SNX18: variants seen among roughly 807,000 people sequenced by gnomAD.
SNX18 encodes the protein sorting nexin-18.
Under a neutral mutation model 48.7 loss-of-function variants are expected in SNX18, and 35 were observed. The observed-to-expected ratio is 0.72, with a 90% CI of 0.55 to 0.95. SNX18 has a LOEUF of 0.95. Ranked by LOEUF, SNX18 falls within the 40% of genes least tolerant of loss-of-function variation. The probability of loss-of-function intolerance (pLI) is 0.00; values close to 1 mark genes in which losing one functional copy is unlikely to be tolerated. For missense variants in SNX18, 824 were observed against 871.0 expected (o/e 0.95, Z 0.68); for synonymous variants, 492 against 384.7 (o/e 1.28, Z -3.26).
the SNX18 span, among the ~76,000 whole-genome samples, chr5:54,628,618 C>T: frequency 2.6e-5 from 4 of 152,202 alleles, 1 homozygote; most frequent in Non-Finnish European, 4.4e-5. Flanking sequence ...CCTCTCCAGG[C>T]AGCTGCCCCC....
chr5:54,618,886 C>A, the SNX18 span, among the ~76,000 whole-genome samples: 1 of 152,024 alleles, frequency 6.6e-6, no homozygotes, highest in Non-Finnish European at 1.5e-5. Context: ...AAGTTTTATA[C>A]CCCCTGTTCT....
rs771976401 is a variant in SNX18 at position 54,519,801 on chromosome 5, G to T, written c.1621+228G>T. The T allele has an allele frequency of 2.5e-5, 41 of 1,612,724 alleles. No homozygotes were observed. The highest frequency in any genetic ancestry group is 3.3e-5 in the Admixed American group (2 of 59,920). ...AGGGAATGAGTACTCTTTCTCGAAGGTTCAAAGAGTACCTTTGATGACAGT... is the reference window on the plus strand; with the variant it reads ...AGGGAATGAGTACTCTTTCTCGAAGTTTCAAAGAGTACCTTTGATGACAGT... On this transcript the variant is annotated intron_variant, in intron 1 of 1. Transcript: ENST00000381410.
the SNX18 span, among the ~76,000 whole-genome samples, chr5:54,618,461 A>C: frequency 2.0e-5 from 3 of 152,194 alleles, 1 homozygote; most frequent in Admixed American, 6.5e-5. Flanking sequence ...GGGTTCACTT[A>C]GACCTTGCCA....
chr5:54,610,675 A>C, the SNX18 span, among the ~76,000 whole-genome samples: 1 of 152,212 alleles, frequency 6.6e-6, no homozygotes, highest in South Asian at 2.1e-4. Flanking sequence ...ATAACCACGA[A>C]TGTTTATTAG....
the SNX18 span, among the ~76,000 whole-genome samples, chr5:54,590,341 C>T: frequency 6.6e-6 from 1 of 152,176 alleles, no homozygotes; most frequent in African/African-American, 2.4e-5. Context: ...GGGGGCATTT[C>T]TAGTAACTGA....
At chr5:54,622,542 C>A in the SNX18 span, among the ~76,000 whole-genome samples, 1 of 150,260 alleles carries the variant, frequency 6.7e-6, no homozygotes, top group Non-Finnish European at 1.5e-5. Flanking sequence ...ATGCTTTGAC[C>A]ACTGTAGGGC....
chr5:54,600,543 G>A, the SNX18 span, among the ~76,000 whole-genome samples: 2 of 152,196 alleles, frequency 1.3e-5, no homozygotes, highest in African/African-American at 4.8e-5. Flanking sequence ...GTTCATTGCA[G>A]CACTATTCAG....
rs1372092695 is a variant in SNX18 at position 54,543,450 on chromosome 5, A to G, written c.*18A>G. ...GTGTTTAATGACTGGACGTTGGATT[A>G]TGGACTTTTTCAGTTCAAGGATAAT... On this transcript the variant is annotated 3_prime_UTR_variant, in exon 2 of 2. Transcript: ENST00000381410. The G allele has an allele frequency of 6.2e-7, 1 of 1,608,282 alleles. No homozygotes were observed. The highest frequency in any genetic ancestry group is 1.3e-5 in the African/African-American group (1 of 74,780).
the SNX18 span, among the ~76,000 whole-genome samples, chr5:54,617,109 T>C: frequency 6.6e-6 from 1 of 152,204 alleles, no homozygotes. Flanking sequence ...AAAGGCCCCT[T>C]CAAAGAAAGT....
At chr5:54,595,455 T>C in the SNX18 span, among the ~76,000 whole-genome samples, 1 of 152,152 alleles carries the variant, frequency 6.6e-6, no homozygotes, top group Admixed American at 6.5e-5. Flanking sequence ...CAGGCTGGTC[T>C]CCAACTCCTG....
At chr5:54,601,989 G>A in the SNX18 span, among the ~76,000 whole-genome samples, 1 of 152,154 alleles carries the variant, frequency 6.6e-6, no homozygotes, top group African/African-American at 2.4e-5. Context: ...CTGTTGCACT[G>A]CTTGCCAACT....
the SNX18 span, among the ~76,000 whole-genome samples, chr5:54,628,916 T>C: frequency 6.6e-6 from 1 of 152,200 alleles, no homozygotes; most frequent in Non-Finnish European, 1.5e-5. Flanking sequence ...GAGAAAACCC[T>C]TTGTTTTCAC....
the SNX18 span, among the ~76,000 whole-genome samples, chr5:54,577,808 C>G: frequency 6.6e-6 from 1 of 152,282 alleles, no homozygotes; most frequent in African/African-American, 2.4e-5. Context: ...TTCCTTCCAC[C>G]CAGTTCTGGG....
At chr5:54,633,174 T>C in the SNX18 span, among the ~76,000 whole-genome samples, 51 of 152,086 alleles carry the variant, frequency 3.4e-4, no homozygotes, top group African/African-American at 1.2e-3. Flanking sequence ...AATCGGAGGA[T>C]AGAAACTGAG....
rs371334283 is a variant in SNX18 at position 54,518,580 on chromosome 5, G to A, written c.628G>A (p.Val210Ile). ...GTCCCTGGGTTCCCGCGGCGGCTCG[G>A]TCCCCCCGCAGCACCACCCGTCGGG... ...DLSLGSRGGSVPPQHHPSGPK... is the reference protein window; with the variant it reads ...DLSLGSRGGSIPPQHHPSGPK... The change falls in exon 1 of 2, where the codon GTC (valine) becomes ATC (isoleucine). Residue 210 changes from valine (V) to isoleucine (I), a missense_variant. By Grantham distance (29) the Val-to-Ile change is conservative. Coordinates refer to ENST00000381410, the MANE Select transcript of SNX18 (RefSeq NM_001102575.2). 17 of 1,580,786 alleles carry A rather than the reference G, an allele frequency of 1.1e-5. No individual in the cohort carries two copies. Among genetic ancestry groups the A allele is most frequent in the Admixed American group, 1.8e-5 (1 of 56,048 alleles).
the SNX18 span, among the ~76,000 whole-genome samples, chr5:54,612,526 G>A: frequency 6.6e-6 from 1 of 152,110 alleles, no homozygotes; most frequent in Admixed American, 6.5e-5. Context: ...GCCTCCCAAA[G>A]TGCTGGGATT....
chr5:54,574,632 G>A, the SNX18 span, among the ~76,000 whole-genome samples: 3 of 152,188 alleles, frequency 2.0e-5, no homozygotes, highest in African/African-American at 4.8e-5. Flanking sequence ...CAAACCACAA[G>A]TGACTTGAAC....
the SNX18 span, among the ~76,000 whole-genome samples, chr5:54,582,787 A>C: frequency 6.6e-6 from 1 of 152,092 alleles, no homozygotes; most frequent in African/African-American, 2.4e-5. Context: ...ATAAATTAGA[A>C]TCTGTTCGGA....
the SNX18 span, among the ~76,000 whole-genome samples, chr5:54,570,363 A>G: frequency 2.0e-5 from 3 of 152,222 alleles, no homozygotes; most frequent in African/African-American, 7.2e-5. Flanking sequence ...AACAGTATGT[A>G]TATCTGTTGT....
Sources: gnomAD v4.1 joint callset for allele counts (sites outside exome capture counted in the v4.1 genomes callset) on GRCh38, gnomAD v4.1.1 for gene constraint, MANE v1.5 for transcripts, NCBI Gene and HGNC (gene_info 2026-07-23, HGNC 2026-07-21) for gene names.